CDH8: variants seen among roughly 807,000 people sequenced by gnomAD.
CDH8 encodes the protein cadherin 8.
CDH8 carries 17 observed loss-of-function variants against 68.1 expected under a neutral mutation model. The ratio of observed to expected loss-of-function variants is 0.25; its 90% CI spans 0.17 to 0.37. The LOEUF (loss-of-function observed/expected upper bound fraction) is 0.37. Ranked by LOEUF, CDH8 falls within the 10% of genes least tolerant of loss-of-function variation. The pLI, the probability that CDH8 is intolerant of heterozygous loss-of-function variation, is 1.00. For missense variants in CDH8, 763 were observed against 999.3 expected, an observed-to-expected ratio of 0.76 and a Z score of 3.19; for synonymous variants, 372 against 365.1, an observed-to-expected ratio of 1.02 and a Z score of -0.21.
intron 2 of CDH8, among the ~76,000 whole-genome samples, chr16:61,935,440 A>G (rs1018207775): frequency 1.3e-5 from 2 of 152,222 alleles, no homozygotes; most frequent in Admixed American, 6.5e-5. Context: ...CTGAAAATAA[A>G]TATCTACAAC....
chr16:61,843,531 T>G (rs543498055), intron 4 of CDH8, among the ~76,000 whole-genome samples: 1 of 152,338 alleles, frequency 6.6e-6, no homozygotes, highest in Non-Finnish European at 1.5e-5. Flanking sequence ...AACCTAACTC[T>G]GACTCCTAAG....
chr16:61,953,821 A>G (rs1200825583), intron 2 of CDH8, among the ~76,000 whole-genome samples: 1 of 148,688 alleles, frequency 6.7e-6, no homozygotes, highest in Non-Finnish European at 1.5e-5. Flanking sequence ...GTGAACTGGG[A>G]TTGTGGGATT....
intron 8 of CDH8, among the ~76,000 whole-genome samples, chr16:61,738,668 CTA>C (rs1296185258): frequency 1.3e-5 from 2 of 152,034 alleles, no homozygotes; most frequent in Non-Finnish European, 2.9e-5. Flanking sequence ...GAGCATGGAA[CTA>C]TTATGTTTTC....
At chr16:61,984,481 G>A (rs558330237) in intron 2 of CDH8, among the ~76,000 whole-genome samples, 7 of 150,196 alleles carry the variant, frequency 4.7e-5, no homozygotes, top group Non-Finnish European at 8.9e-5. Flanking sequence ...ATAGAGACAA[G>A]GTCTCACTAT....
intron 10 of CDH8, chr16:61,692,253 G>T (rs2142832537): frequency 6.6e-6 from 1 of 152,214 alleles, no homozygotes; most frequent in Non-Finnish European, 1.5e-5. Flanking sequence ...TCCCATCAGA[G>T]ATTTTTACCT....
chr16:61,704,746 T>C (rs1413651015), intron 10 of CDH8, among the ~76,000 whole-genome samples: 1 of 152,218 alleles, frequency 6.6e-6, no homozygotes. Context: ...ATTTTAACGT[T>C]TGTGATATGT....
intron 3 of CDH8, among the ~76,000 whole-genome samples, chr16:61,885,361 C>T (rs1004158150): frequency 1.5e-4 from 23 of 152,158 alleles, no homozygotes; most frequent in African/African-American, 5.3e-4. Context: ...AAAATATGTA[C>T]GCGGAACAAA....
chr16:61,854,594 A>T (rs1180328445), intron 4 of CDH8, among the ~76,000 whole-genome samples: 4 of 152,110 alleles, frequency 2.6e-5, no homozygotes, highest in African/African-American at 9.7e-5. Context: ...CTGTCTCAGC[A>T]TTCTATTTTC....
chr16:61,908,195 C>A (rs1306451122), intron 2 of CDH8, among the ~76,000 whole-genome samples: 1 of 152,152 alleles, frequency 6.6e-6, no homozygotes, highest in African/African-American at 2.4e-5. Flanking sequence ...TTATTTTCTC[C>A]AAATCATGCC....
chr16:61,887,109 A>G (rs1186079299), intron 3 of CDH8, among the ~76,000 whole-genome samples: 1 of 152,210 alleles, frequency 6.6e-6, no homozygotes, highest in Non-Finnish European at 1.5e-5. Flanking sequence ...AACATTGGTA[A>G]TGATAATTTA....
At chr16:61,662,091 T>G (rs1463670358) in intron 10 of CDH8, among the ~76,000 whole-genome samples, 1 of 142,854 alleles carries the variant, frequency 7.0e-6, no homozygotes, top group Admixed American at 6.8e-5. Flanking sequence ...ACTTTAGTTT[T>G]TTTTTTTTTT....
chr16:61,849,280 C>T (rs1298727924), intron 4 of CDH8, among the ~76,000 whole-genome samples: 1 of 151,422 alleles, frequency 6.6e-6, no homozygotes, highest in African/African-American at 2.4e-5. Flanking sequence ...TGTCTTCTTA[C>T]TCCAAAAATG....
At chr16:61,808,080 A>G (rs1464562913) in intron 7 of CDH8, among the ~76,000 whole-genome samples, 2 of 152,246 alleles carry the variant, frequency 1.3e-5, no homozygotes, top group African/African-American at 4.8e-5. Context: ...AAAGACACAT[A>G]AAATATTTTT....
chr16:61,674,997 G>A (rs918057194), intron 10 of CDH8, among the ~76,000 whole-genome samples: 21 of 150,872 alleles, frequency 1.4e-4, no homozygotes, highest in Admixed American at 5.3e-4. Context: ...TCTGATATAC[G>A]TGTAATCAGA....
Position 61,960,033 on chromosome 16 carries a change from C to CATATATGTATGTATGTGTGTATGTAT in CDH8, c.253-58561_253-58560insATACATACACACATACATACATATAT, listed in dbSNP as rs1567545651. Among the ~76,000 whole-genome samples, 11 of 115,718 alleles carry CATATATGTATGTATGTGTGTATGTAT rather than the reference C, an allele frequency of 9.5e-5. 1 individual carries two copies. The highest frequency in any genetic ancestry group is 3.1e-4 in the African/African-American group (9 of 29,034). The allele number at this position is 115,718 out of a possible 152,430, so 75.9% of individuals were successfully genotyped here. A position where few individuals can be genotyped will look rare whatever the true frequency, so the allele number is the denominator to read the frequency against. ...ATATATATACACACATACACACACA[C>CATATATGTATGTATGTGTGTATGTAT]ACACAACATATATGTATGTATGTGT... is the stretch of plus-strand genomic sequence containing the variant. On this transcript the variant is annotated intron_variant, in intron 2 of 11. Transcript: ENST00000577390.
At chr16:61,768,059 G>T (rs1960639254) in intron 8 of CDH8, among the ~76,000 whole-genome samples, 1 of 151,854 alleles carries the variant, frequency 6.6e-6, no homozygotes, top group Admixed American at 6.6e-5. Flanking sequence ...AGAAAATAAG[G>T]CTCAAGAAAT....
chr16:61,899,794 T>C (rs2143252422), intron 3 of CDH8, among the ~76,000 whole-genome samples: 1 of 150,756 alleles, frequency 6.6e-6, no homozygotes, highest in African/African-American at 2.4e-5. Context: ...TATTTGAAAT[T>C]TAAATTCCAA....
intron 2 of CDH8, among the ~76,000 whole-genome samples, chr16:61,988,522 A>G (rs1041763178): frequency 6.6e-6 from 1 of 152,202 alleles, no homozygotes; most frequent in African/African-American, 2.4e-5. Flanking sequence ...GTTAGTGATG[A>G]TGCCAGCCAC....
At chr16:61,682,416 T>C (rs113450044) in intron 10 of CDH8, among the ~76,000 whole-genome samples, 1,949 of 152,106 alleles carry the variant, frequency 0.013, 42 homozygotes, top group African/African-American at 0.043. Flanking sequence ...CATTCTTACT[T>C]TTAAATACCC....
Sources: allele counts gnomAD v4.1 joint callset (sites outside exome capture counted in the v4.1 genomes callset), GRCh38; gene constraint gnomAD v4.1.1; transcripts MANE v1.5; gene names NCBI Gene and HGNC (gene_info 2026-07-23, HGNC 2026-07-21).